The following ENTPD3 variants were observed in gnomAD, a reference collection of about 807,000 sequenced individuals.
ENTPD3 encodes the protein CD39 antigen-like 3.
In ENTPD3, 60 loss-of-function variants were observed where a neutral mutation model predicts 51.2. The ratio of observed to expected loss-of-function variants is 1.17; its 90% confidence interval spans 0.95 to 1.45. The LOEUF (loss-of-function observed/expected upper bound fraction) is 1.45. Among genes scored for constraint, ENTPD3 ranks in the 40% most tolerant of loss-of-function variants. The probability of loss-of-function intolerance (pLI) is 0.00; values close to 1 mark genes in which losing one functional copy is unlikely to be tolerated. For missense variants in ENTPD3, 593 were observed against 641.1 expected (o/e 0.93, Z 0.81); for synonymous variants, 221 against 238.4 (o/e 0.93, Z 0.67).
Position 40,423,416 on chromosome 3 carries a change from A to G in ENTPD3, c.1215+15A>G, listed in dbSNP as rs1048152144. On this transcript the variant is annotated intron_variant, in intron 9 of 10. Transcript: ENST00000301825. ...ATTGGAGTCAGGTCAGTATTTAAAG[A>G]GAAGGGATCAATGTCAGTACAAAAA... 5 of 1,535,280 alleles carry G rather than the reference A, an allele frequency of 3.3e-6. No individual in the cohort carries two copies. In the African/African-American group the frequency reaches 6.8e-5, roughly 21 times the overall value.
intron 4 of ENTPD3, among the ~76,000 whole-genome samples, chr3:40,402,784 C>T (rs1955397353): frequency 6.6e-6 from 1 of 152,034 alleles, no homozygotes; most frequent in Admixed American, 6.6e-5. Flanking sequence ...TTTAAGAAAT[C>T]CTTTTCTATC....
chr3:40,414,416 G>A (rs1295971946), intron 5 of ENTPD3, among the ~76,000 whole-genome samples: 1 of 152,168 alleles, frequency 6.6e-6, no homozygotes, highest in African/African-American at 2.4e-5. Context: ...CAGATGAGAT[G>A]GGTGGGGAGA....
rs956365536 is a variant in ENTPD3, at chr3:40,427,875, A to G, written c.*367A>G. On this transcript the variant is annotated 3_prime_UTR_variant, in exon 11 of 11. Transcript: ENST00000301825. The stretch of plus-strand genomic sequence containing the variant: ...TCAGTTTCCATTTCCCTCCCTCAGT[A>G]TTCTTCCTGGCAAGATACCCATTAA... 15 of 250,836 alleles carry G rather than the reference A, an allele frequency of 6.0e-5. No homozygotes were observed. Among genetic ancestry groups the G allele is most frequent in the Admixed American group, 2.5e-4 (5 of 19,842 alleles). The allele number at this position is 250,836 out of a possible 1,614,324, so 15.5% of individuals were successfully genotyped here.
chr3:40,406,515 A>C (rs1288717188), intron 4 of ENTPD3, among the ~76,000 whole-genome samples: 4 of 152,220 alleles, frequency 2.6e-5, no homozygotes, highest in African/African-American at 4.8e-5. Flanking sequence ...TTGATATAGA[A>C]CACGTAGTCA....
At position 40,423,965 on chromosome 3, in the gene ENTPD3, T is replaced by A; in HGVS notation, c.1353+2T>A. Reference sequence around the variant, plus strand: ...CCCCAAATACACTTTGAAAAAGAAGTAAGTTAAGCACAAATCATTTTCTCT... The same window carrying A: ...CCCCAAATACACTTTGAAAAAGAAGAAAGTTAAGCACAAATCATTTTCTCT... On this transcript the variant is annotated splice_donor_variant, in intron 10 of 10. Coordinates refer to ENST00000301825, the MANE Select transcript of ENTPD3 (RefSeq NM_001248.4). LOFTEE classifies it high-confidence loss of function. 1 of 1,614,054 alleles carries A rather than the reference T, an allele frequency of 6.2e-7. No homozygotes were observed. The highest frequency in any genetic ancestry group is 1.1e-5 in the South Asian group (1 of 91,058).
At chr3:40,397,615 C>T (rs1955238480) in intron 3 of ENTPD3, among the ~76,000 whole-genome samples, 1 of 152,240 alleles carries the variant, frequency 6.6e-6, no homozygotes, top group East Asian at 1.9e-4. Flanking sequence ...TATTTATTAT[C>T]ATAGTAATAA....
intron 3 of ENTPD3, among the ~76,000 whole-genome samples, chr3:40,393,859 G>A (rs779993140): frequency 1.9e-4 from 29 of 151,474 alleles, no homozygotes; most frequent in Non-Finnish European, 3.4e-4. Context: ...CCTGGCTAAC[G>A]TGGTGAAACC....
chr3:40,427,493 A>T lies in ENTPD3; in HGVS notation c.1575A>T (p.Ala525=), dbSNP rs1328966105. The change falls in exon 11 of 11, where the codon GCA becomes GCT. Residue 525 remains alanine (A), a synonymous_variant. Coordinates refer to ENST00000301825, the MANE Select transcript of ENTPD3 (RefSeq NM_001248.4). ...KRHSEHAFDH[A]VDSD Reference sequence around the variant, plus strand: ...ACTCCGAGCATGCCTTTGACCATGCAGTGGATTCTGACTGAGCCTTCAAAG... The same window carrying T: ...ACTCCGAGCATGCCTTTGACCATGCTGTGGATTCTGACTGAGCCTTCAAAG... 5.0e-6 allele frequency: 8 copies of T among 1,613,814 alleles called. No homozygotes were observed. Among genetic ancestry groups the T allele is most frequent in the Non-Finnish European group, 5.9e-6 (7 of 1,179,826 alleles).
chr3:40,401,005 G>A lies in ENTPD3; in HGVS notation c.280G>A (p.Val94Met). ...GGTCAGTCAAACCTTCAAATGTAGTGTGAAAGGTAAGGACTGAAGTGTGTC... is the reference window on the plus strand; with the variant it reads ...GGTCAGTCAAACCTTCAAATGTAGTATGAAAGGTAAGGACTGAAGTGTGTC... Reference protein sequence around the residue: ...GVVSQTFKCSVKGSGISSYGN... With the variant: ...GVVSQTFKCSMKGSGISSYGN... Residue 94 changes from valine (V) to methionine (M), a missense_variant, in exon 4 of 11, where the codon GTG (valine) becomes ATG (methionine). Physicochemically the swap from Val to Met is conservative, Grantham distance 21. Coordinates refer to ENST00000301825, the MANE Select transcript of ENTPD3 (RefSeq NM_001248.4). 6.2e-7 allele frequency: 1 copy of A among 1,611,304 alleles called. No homozygotes were observed. Among genetic ancestry groups the A allele is most frequent in the Non-Finnish European group, 8.5e-7 (1 of 1,177,438 alleles).
At chr3:40,403,024 G>A (rs144209534) in intron 4 of ENTPD3, among the ~76,000 whole-genome samples, 2 of 152,136 alleles carry the variant, frequency 1.3e-5, no homozygotes, top group African/African-American at 2.4e-5. Context: ...AGGACAACAG[G>A]TTAGAGACTC....
At chr3:40,391,318 T>A (rs921465888) in intron 2 of ENTPD3, 1 of 152,174 alleles carries the variant, frequency 6.6e-6, no homozygotes, top group African/African-American at 2.4e-5. Flanking sequence ...TATGAGATTA[T>A]TTTTAAGTGA....
Position 40,427,330 on chromosome 3 carries a change from T to C in ENTPD3, c.1412T>C (p.Ile471Thr), listed in dbSNP as rs775137000. 6.2e-7 allele frequency: 1 copy of C among 1,614,166 alleles called. No individual in the cohort carries two copies. The highest frequency in any genetic ancestry group is 8.5e-7 in the Non-Finnish European group (1 of 1,180,020). The change falls in exon 11 of 11, where the codon ATC becomes ACC. Residue 471 changes from isoleucine to threonine, a missense_variant. Physicochemically the swap from Ile to Thr is moderately conservative, Grantham distance 89. Coordinates refer to ENST00000301825, the MANE Select transcript of ENTPD3 (RefSeq NM_001248.4). ...TACATGCTCAGCCTGACCAACCAGA[T>C]CCCAGCTGAAAGCCCTCTGATCCGT... ...LGYMLSLTNQ[I>T]PAESPLIRLP... is the part of the protein sequence containing the mutation.
At position 40,422,693 on chromosome 3, in the gene ENTPD3, T is replaced by C. The variant is rs577337050; in HGVS notation, c.832-157T>C. ...CCCTACAAAGGACATGAACTCATCA[T>C]GTTTTATGGCTTCATAGTATTCCAT... On this transcript the variant is annotated intron_variant, in intron 7 of 10. Coordinates refer to ENST00000301825, the MANE Select transcript of ENTPD3 (RefSeq NM_001248.4). Among the ~76,000 whole-genome samples the C allele has an allele frequency of 5.9e-5, 9 of 152,310 alleles. No homozygotes were observed. The South Asian group carries it at 1.0e-3, about 18-fold the overall frequency.
intron 7 of ENTPD3, among the ~76,000 whole-genome samples, chr3:40,416,770 G>C (rs1955757653): frequency 1.3e-5 from 2 of 152,134 alleles, no homozygotes; most frequent in African/African-American, 4.8e-5. Flanking sequence ...GCCATGGCTG[G>C]GTGGCTGAGA....
At chr3:40,410,383 G>C (rs192797140) in intron 4 of ENTPD3, among the ~76,000 whole-genome samples, 1 of 150,592 alleles carries the variant, frequency 6.6e-6, no homozygotes, top group Admixed American at 6.6e-5. Context: ...AGAGGTTGTA[G>C]TGAGCCGAGA....
intron 4 of ENTPD3, among the ~76,000 whole-genome samples, chr3:40,409,365 C>T (rs1232637903): frequency 6.6e-6 from 1 of 152,136 alleles, no homozygotes; most frequent in South Asian, 2.1e-4. Flanking sequence ...GAGATCAAGC[C>T]ACTGAGTTCA....
chr3:40,403,449 T>C (rs917469160), intron 4 of ENTPD3, among the ~76,000 whole-genome samples: 3 of 152,098 alleles, frequency 2.0e-5, no homozygotes, highest in African/African-American at 4.8e-5. Flanking sequence ...TGGTGTAAAG[T>C]GGCTTGGCTG....
chr3:40,392,984 C>T (rs1166047496), intron 3 of ENTPD3, among the ~76,000 whole-genome samples: 2 of 151,232 alleles, frequency 1.3e-5, no homozygotes, highest in East Asian at 1.9e-4. Context: ...ACAACACCCC[C>T]CCGGCAAAAA....
At chr3:40,389,914 G>T (rs549838330) in intron 2 of ENTPD3, among the ~76,000 whole-genome samples, 1 of 152,190 alleles carries the variant, frequency 6.6e-6, no homozygotes, top group Non-Finnish European at 1.5e-5. Context: ...AATAAGACAG[G>T]ATCTATCCAA....
Sources: allele counts gnomAD v4.1 joint callset (sites outside exome capture counted in the v4.1 genomes callset), GRCh38; gene constraint gnomAD v4.1.1; transcripts MANE v1.5; gene names NCBI Gene and HGNC (gene_info 2026-07-23, HGNC 2026-07-21).